ABCC9: variants seen among roughly 807,000 people sequenced by gnomAD.
ABCC9 encodes ATP binding cassette subfamily C member 9, also known as ATP-binding cassette sub-family C member 9.
Under a neutral mutation model 188.3 loss-of-function variants are expected in ABCC9, and 95 were observed. The ratio of observed to expected loss-of-function variants is 0.50; its 90% CI spans 0.43 to 0.60. ABCC9 has a LOEUF of 0.60. Ranked by LOEUF, ABCC9 falls within the 20% of genes least tolerant of loss-of-function variation. ABCC9 has a pLI of 0.00. For synonymous variants in ABCC9, 659 were observed against 652.7 expected, an observed-to-expected ratio of 1.01 and a Z score of -0.15; for missense variants, 1,102 against 1,876.3, an observed-to-expected ratio of 0.59 and a Z score of 7.62.
chr12:21,912,219 C>T (rs530084609), intron 8 of ABCC9, among the ~76,000 whole-genome samples: 7 of 151,760 alleles, frequency 4.6e-5, no homozygotes, highest in South Asian at 2.1e-4. Flanking sequence ...ATTAATCTGG[C>T]GATAGTTTCT....
Position 21,896,270 on chromosome 12 carries a change from C to T in ABCC9, c.1619-955G>A, listed in dbSNP as rs181024145. Among the ~76,000 whole-genome samples, 7 of 152,052 alleles carry T rather than the reference C, an allele frequency of 4.6e-5. No homozygotes were observed. In the East Asian group the frequency reaches 7.8e-4, roughly 17 times the overall value. ...TGCTCTCAGGGATTATCCTTACCACCGTACATAGAACAGAATCAGACTGTG... is the reference window on the plus strand; with the variant it reads ...TGCTCTCAGGGATTATCCTTACCACTGTACATAGAACAGAATCAGACTGTG... On this transcript the variant is annotated intron_variant, in intron 12 of 39. Coordinates refer to ENST00000261200, the MANE Select transcript of ABCC9 (RefSeq NM_020297.4).
chr12:21,916,789 T>C (rs1948617772), intron 6 of ABCC9, 148 bp downstream of exon 6: 2 of 617,574 alleles, frequency 3.2e-6, no homozygotes, highest in East Asian at 6.3e-5. Flanking sequence ...ATGGCCTGAA[T>C]TTAGTGATTA....
At chr12:21,868,679 G>A (rs149392116) in intron 18 of ABCC9, among the ~76,000 whole-genome samples, 1 of 152,190 alleles carries the variant, frequency 6.6e-6, no homozygotes, top group African/African-American at 2.4e-5. Context: ...AGAGACACAT[G>A]TAATGGTGAA....
chr12:21,903,600 A>T (rs1294607580), intron 12 of ABCC9, among the ~76,000 whole-genome samples: 1 of 152,260 alleles, frequency 6.6e-6, no homozygotes, highest in East Asian at 1.9e-4. Context: ...TACAAAATCA[A>T]TGTGCAAAAA....
At chr12:21,928,743 G>A (rs1276928977) in intron 4 of ABCC9, among the ~76,000 whole-genome samples, 2 of 152,102 alleles carry the variant, frequency 1.3e-5, no homozygotes, top group Non-Finnish European at 2.9e-5. Context: ...TACTTATGGT[G>A]GCACTCCTTT....
intron 18 of ABCC9, 119 bp from the exon 19 acceptor site, chr12:21,864,596 AT>A: frequency 1.4e-6 from 1 of 717,458 alleles, no homozygotes; most frequent in Non-Finnish European, 2.5e-6. Context: ...CATTTCCCAA[AT>A]GGTTTCTGAT....
At chr12:21,860,923 CTT>C in intron 21 of ABCC9, 46 bp downstream of exon 21, 1 of 1,429,196 alleles carries the variant, frequency 7.0e-7, no homozygotes, top group Non-Finnish European at 9.9e-7. Context: ...AACCAGAAGA[CTT>C]TTCTAGATTT....
chr12:21,889,842 A>G (rs566223808), intron 14 of ABCC9, among the ~76,000 whole-genome samples: 5 of 152,240 alleles, frequency 3.3e-5, no homozygotes, highest in Admixed American at 3.3e-4. Context: ...AAGGACCATC[A>G]ATGGATGCCA....
At position 21,835,471 on chromosome 12, in the gene ABCC9, C is replaced by T. The variant is rs114812566; in HGVS notation, c.3566+2607G>A. Among the ~76,000 whole-genome samples the T allele has an allele frequency of 9.5e-3, 1,443 of 152,210 alleles. 19 individuals carry two copies. The highest frequency in any genetic ancestry group is 0.033 in the African/African-American group (1,357 of 41,520). ...CATTCTCACATTCAGAGAAGGCTTACCACAGTAGATGATAATCATGGACTG... is the reference window on the plus strand; with the variant it reads ...CATTCTCACATTCAGAGAAGGCTTATCACAGTAGATGATAATCATGGACTG... On this transcript the variant is annotated intron_variant, in intron 30 of 39. Transcript: ENST00000261200.
At chr12:21,915,295 C>T (rs201231835) in intron 7 of ABCC9, among the ~76,000 whole-genome samples, 75 of 63,312 alleles carry the variant, frequency 1.2e-3, no homozygotes, top group African/African-American at 1.6e-3. Flanking sequence ...TGTATATATA[C>T]ATGTGTATAT....
At chr12:21,874,479 G>A (rs1403160854) in intron 17 of ABCC9, among the ~76,000 whole-genome samples, 1 of 152,098 alleles carries the variant, frequency 6.6e-6, no homozygotes, top group Non-Finnish European at 1.5e-5. Context: ...AAATAGAATT[G>A]CCATATGATC....
At chr12:21,871,355 A>G (rs1487461933) in intron 18 of ABCC9, among the ~76,000 whole-genome samples, 2 of 152,182 alleles carry the variant, frequency 1.3e-5, no homozygotes, top group African/African-American at 4.8e-5. Context: ...GGTATGCGCT[A>G]AACAGTTGCA....
chr12:21,863,396 C>T (rs953407406), intron 19 of ABCC9, among the ~76,000 whole-genome samples: 12 of 146,628 alleles, frequency 8.2e-5, no homozygotes, highest in African/African-American at 3.0e-4. Context: ...TAGCTACAGA[C>T]ATTTTACTTT....
chr12:21,820,532 A>G (rs1942978739), intron 31 of ABCC9, among the ~76,000 whole-genome samples: 4 of 152,194 alleles, frequency 2.6e-5, no homozygotes, highest in Admixed American at 2.6e-4. Flanking sequence ...CCTTATATAT[A>G]GGCTCTCATC....
At chr12:21,809,798 T>C (rs373818183) in intron 37 of ABCC9, 54 bp downstream of exon 37, 1 of 1,002,754 alleles carries the variant, frequency 1.0e-6, no homozygotes. Context: ...TAGATAGACA[T>C]ATGTAGGATT....
intron 26 of ABCC9, 124 bp from the exon 27 acceptor site, chr12:21,845,039 T>C (rs1944575910): frequency 1.0e-5 from 13 of 1,263,498 alleles, no homozygotes; most frequent in Non-Finnish European, 1.4e-5. Context: ...ATTTAGACGG[T>C]TGAAGGAATG....
At chr12:21,875,615 C>A in intron 17 of ABCC9, 39 bp downstream of exon 17, 1 of 1,432,602 alleles carries the variant, frequency 7.0e-7, no homozygotes, top group South Asian at 1.1e-5. Context: ...TGGTTACGGT[C>A]ATGAACAATT....
chr12:21,891,488 C>G (rs1947157695), intron 14 of ABCC9, among the ~76,000 whole-genome samples: 1 of 152,086 alleles, frequency 6.6e-6, no homozygotes, highest in African/African-American at 2.4e-5. Flanking sequence ...CAATCTGAAT[C>G]ACACCTGCCT....
chr12:21,902,024 C>G (rs1466322681), intron 12 of ABCC9, among the ~76,000 whole-genome samples: 1 of 152,046 alleles, frequency 6.6e-6, no homozygotes, highest in East Asian at 1.9e-4. Context: ...ACACCTATTC[C>G]AAAATTGACC....
Sources: gnomAD v4.1 joint callset for allele counts (sites outside exome capture counted in the v4.1 genomes callset) on GRCh38, gnomAD v4.1.1 for gene constraint, MANE v1.5 for transcripts, NCBI Gene and HGNC (gene_info 2026-07-23, HGNC 2026-07-21) for gene names.